DISP1: variants seen among roughly 807,000 people sequenced by gnomAD.
DISP1 encodes protein dispatched homolog 1.
Under a neutral mutation model 37.3 loss-of-function variants are expected in DISP1, and 30 were observed. The ratio of observed to expected loss-of-function variants is 0.80; its 90% CI spans 0.60 to 1.09. The LOEUF (loss-of-function observed/expected upper bound fraction) is 1.09, where lower values mean the gene tolerates loss of function less well. DISP1 is among the 50% of genes least tolerant of loss of function. The pLI is 0.00. For missense variants in DISP1, 1,598 were observed against 1,879.5 expected (o/e 0.85, Z 2.77); for synonymous variants, 634 against 690.2 (o/e 0.92, Z 1.28).
chr1:222,998,917 C>G (rs1044726363), intron 8 of DISP1, among the ~76,000 whole-genome samples: 4 of 152,108 alleles, frequency 2.6e-5, no homozygotes, highest in Admixed American at 1.3e-4. Flanking sequence ...TTTCTTTTCT[C>G]CCGAGGCTCC....
chr1:222,935,164 AT>A (rs1253479739), intron 2 of DISP1, among the ~76,000 whole-genome samples: 2 of 152,074 alleles, frequency 1.3e-5, no homozygotes, highest in African/African-American at 4.8e-5. Context: ...TCAAATCTTT[AT>A]TCTAACTGCA....
intron 1 of DISP1, among the ~76,000 whole-genome samples, chr1:222,872,105 T>C (rs1024236194): frequency 2.6e-5 from 4 of 152,250 alleles, no homozygotes; most frequent in African/African-American, 9.6e-5. Flanking sequence ...GATTTTCATG[T>C]TGAATCAGCC....
chr1:222,856,091 A>C (rs11485124), intron 1 of DISP1, among the ~76,000 whole-genome samples: 6 of 152,090 alleles, frequency 3.9e-5, no homozygotes, highest in Admixed American at 6.6e-5. Context: ...ATCGAGTTCA[A>C]ATGGAAAAAT....
chr1:222,870,663 T>G (rs1302804982), intron 1 of DISP1, among the ~76,000 whole-genome samples: 5 of 152,332 alleles, frequency 3.3e-5, no homozygotes, highest in African/African-American at 4.8e-5. Flanking sequence ...TAAATTTGTT[T>G]GAGTTCATTG....
intron 1 of DISP1, among the ~76,000 whole-genome samples, chr1:222,870,890 C>A (rs1460429360): frequency 6.6e-6 from 1 of 152,082 alleles, no homozygotes; most frequent in Non-Finnish European, 1.5e-5. Context: ...AATGGTATTG[C>A]CTAGGTTTTC....
At chr1:222,895,636 GA>G (rs1398990857) in intron 1 of DISP1, among the ~76,000 whole-genome samples, 1 of 152,138 alleles carries the variant, frequency 6.6e-6, no homozygotes, top group Non-Finnish European at 1.5e-5. Flanking sequence ...ACAGAATAAA[GA>G]GTCCTGAAAG....
At chr1:222,977,157 G>A (rs946096204) in intron 3 of DISP1, among the ~76,000 whole-genome samples, 26 of 152,192 alleles carry the variant, frequency 1.7e-4, no homozygotes, top group African/African-American at 5.8e-4. Flanking sequence ...AGCCTCCTGA[G>A]TAGCTGGGAT....
rs560069156 is a variant in DISP1 at position 223,002,834 on chromosome 1, C to T, written c.1437C>T (p.Asp479=). Residue 479 remains aspartate, a synonymous_variant, in exon 9 of 9, where the codon GAC becomes GAT. Transcript: ENST00000675850. The part of the protein sequence containing the change: ...LDNFENWNSS[D]GVTTITGIEF... ...ACTTTGAAAACTGGAACTCTTCTGA[C>T]GGCGTGACTACCATCACCGGGATTG... is the stretch of plus-strand genomic sequence containing the variant. The T allele has an allele frequency of 3.5e-5, 56 of 1,614,000 alleles. No homozygotes were observed. Among genetic ancestry groups the T allele is most frequent in the South Asian group, 1.4e-4 (13 of 91,072 alleles).
At chr1:222,891,677 G>T (rs1023514920) in intron 1 of DISP1, among the ~76,000 whole-genome samples, 1 of 152,092 alleles carries the variant, frequency 6.6e-6, no homozygotes, top group African/African-American at 2.4e-5. Context: ...AGGAGGGATT[G>T]GTTGATGGCA....
intron 4 of DISP1, among the ~76,000 whole-genome samples, chr1:222,988,621 C>A (rs567912403): frequency 2.2e-4 from 33 of 146,672 alleles, no homozygotes; most frequent in African/African-American, 7.7e-4. Context: ...CTCTTTCTTT[C>A]TTTTTTCTTC....
At chr1:222,932,297 C>T (rs527543467) in intron 2 of DISP1, among the ~76,000 whole-genome samples, 1 of 151,888 alleles carries the variant, frequency 6.6e-6, no homozygotes, top group South Asian at 2.1e-4. Flanking sequence ...GAACCTCAAC[C>T]TCTGGGGCCA....
chr1:222,842,107 A>G (rs1558287529), intron 1 of DISP1, among the ~76,000 whole-genome samples: 1 of 152,144 alleles, frequency 6.6e-6, no homozygotes, highest in African/African-American at 2.4e-5. Flanking sequence ...TGAAGATTCA[A>G]ACTCTAGTCT....
At chr1:222,976,072 G>T (rs1173118844) in intron 3 of DISP1, among the ~76,000 whole-genome samples, 2 of 152,076 alleles carry the variant, frequency 1.3e-5, no homozygotes, top group Non-Finnish European at 2.9e-5. Flanking sequence ...ACAGAAAAAT[G>T]TTCCCACTGA....
intron 1 of DISP1, among the ~76,000 whole-genome samples, chr1:222,842,186 G>A (rs1352428592): frequency 6.6e-6 from 1 of 151,876 alleles, no homozygotes. Flanking sequence ...ACTGCTATAT[G>A]CAGCTCTTTT....
intron 3 of DISP1, among the ~76,000 whole-genome samples, chr1:222,959,005 A>C (rs565371246): frequency 6.6e-6 from 1 of 152,132 alleles, no homozygotes; most frequent in South Asian, 2.1e-4. Context: ...AATTCTTTCT[A>C]ATTCTCATCA....
intron 1 of DISP1, among the ~76,000 whole-genome samples, chr1:222,887,567 C>T (rs1670686969): frequency 7.9e-6 from 1 of 126,972 alleles, no homozygotes; most frequent in African/African-American, 2.9e-5. Context: ...GGCGCAATCT[C>T]GGCTCACTGC....
intron 7 of DISP1, among the ~76,000 whole-genome samples, chr1:222,993,054 G>T (rs976600566): frequency 2.0e-5 from 3 of 151,770 alleles, no homozygotes; most frequent in Non-Finnish European, 2.9e-5. Context: ...TAGAGACGGG[G>T]TTTCTCCATC....
At chr1:222,854,444 C>T (rs1006464257) in intron 1 of DISP1, among the ~76,000 whole-genome samples, 12 of 152,112 alleles carry the variant, frequency 7.9e-5, no homozygotes, top group African/African-American at 1.9e-4. Context: ...CTCTTTATCA[C>T]GAGAACATCA....
At chr1:222,822,765 A>T (rs1014771265) in intron 1 of DISP1, among the ~76,000 whole-genome samples, 2 of 152,238 alleles carry the variant, frequency 1.3e-5, no homozygotes, top group African/African-American at 2.4e-5. Context: ...TATCAGAGTG[A>T]GTGGTGTGAT....
Sources: allele counts gnomAD v4.1 joint callset (sites outside exome capture counted in the v4.1 genomes callset), GRCh38; gene constraint gnomAD v4.1.1; transcripts MANE v1.5; gene names NCBI Gene and HGNC (gene_info 2026-07-23, HGNC 2026-07-21).